ADAMTS2: variants seen among roughly 807,000 people sequenced by gnomAD.
The protein encoded by ADAMTS2 is A disintegrin and metalloproteinase with thrombospondin motifs 2.
In ADAMTS2, 50 loss-of-function variants were observed where a neutral mutation model predicts 123.0. That is an observed-to-expected ratio of 0.41 (90% CI 0.32 to 0.51). ADAMTS2 has a LOEUF of 0.51. Ranked by LOEUF, ADAMTS2 falls within the 20% of genes least tolerant of loss-of-function variation. The pLI is 0.35. For missense variants in ADAMTS2, 1,494 were observed against 1,705.2 expected, an observed-to-expected ratio of 0.88 and a Z score of 2.18; for synonymous variants, 678 against 695.4, an observed-to-expected ratio of 0.98 and a Z score of 0.39.
intron 3 of ADAMTS2, among the ~76,000 whole-genome samples, chr5:179,248,102 G>A (rs886239582): frequency 6.6e-6 from 1 of 152,150 alleles, no homozygotes; most frequent in Non-Finnish European, 1.5e-5. Context: ...GGGGAAGACA[G>A]AGCTGTATAG....
rs886060495 is a variant in ADAMTS2 at position 179,272,930 on chromosome 5, C to T, written c.669G>A (p.Gly223=). 6.2e-7 allele frequency: 1 copy of T among 1,610,016 alleles called. No individual in the cohort carries two copies. Among genetic ancestry groups the T allele is most frequent in the South Asian group, 1.1e-5 (1 of 91,062 alleles). ...RRPPTSPPLG[G]PQALDTGASL... ...CCTCACCTGTGTCCAGGGCCTGTGG[C>T]CCCCCGAGAGGAGGGGACGTGGGTG... Residue 223 remains glycine, a synonymous_variant, in exon 3 of 22, where the codon GGG becomes GGA. Transcript: ENST00000251582. This position sits in a 1 kb window ranked among gnomAD's most constrained non-coding sequence, Gnocchi z 5.8.
In ADAMTS2 at chr5:179,314,087, C is replaced by T. The variant is rs1355518080; in HGVS notation, c.534+29680G>A. On this transcript the variant is annotated intron_variant, in intron 2 of 21. Coordinates refer to ENST00000251582, the MANE Select transcript of ADAMTS2 (RefSeq NM_014244.5). This position sits in a 1 kb window ranked among gnomAD's most constrained non-coding sequence, Gnocchi z 4.5. ...GGGGGGGTTCCTCACACACCCCACA[C>T]CCCTGCCTATGCCCAGACCTCCAGC... Among the ~76,000 whole-genome samples, 1 of 152,236 alleles carries T rather than the reference C, an allele frequency of 6.6e-6. No individual in the cohort carries two copies. Among genetic ancestry groups the T allele is most frequent in the African/African-American group, 2.4e-5 (1 of 41,464 alleles).
chr5:179,249,307 A>G (rs1404813778), intron 3 of ADAMTS2, among the ~76,000 whole-genome samples: 1 of 152,122 alleles, frequency 6.6e-6, no homozygotes, highest in East Asian at 1.9e-4. Context: ...AATAATAAAG[A>G]TCTCAAATCA....
At chr5:179,247,559 G>C (rs575528912) in intron 3 of ADAMTS2, among the ~76,000 whole-genome samples, 1 of 152,112 alleles carries the variant, frequency 6.6e-6, no homozygotes, top group Non-Finnish European at 1.5e-5. Flanking sequence ...AACTCAAAGA[G>C]TTACATCAAG....
chr5:179,172,727 G>A (rs1481033040), intron 5 of ADAMTS2, among the ~76,000 whole-genome samples: 1 of 152,228 alleles, frequency 6.6e-6, no homozygotes, highest in Non-Finnish European at 1.5e-5. Flanking sequence ...TGTCTTCATT[G>A]AAATCAGAAA....
At chr5:179,229,873 C>T (rs557867415) in intron 3 of ADAMTS2, among the ~76,000 whole-genome samples, 4 of 152,176 alleles carry the variant, frequency 2.6e-5, no homozygotes, top group Non-Finnish European at 5.9e-5. Context: ...TTCTCCAGGG[C>T]GCATGCCCCT....
chr5:179,136,363 C>A (rs1244776737), intron 12 of ADAMTS2, among the ~76,000 whole-genome samples: 3 of 152,166 alleles, frequency 2.0e-5, no homozygotes, highest in Non-Finnish European at 4.4e-5. Context: ...TGCTGGGTTG[C>A]TATCTAAAGA....
chr5:179,323,165 G>A (rs1561745280), intron 2 of ADAMTS2, among the ~76,000 whole-genome samples: 1 of 152,250 alleles, frequency 6.6e-6, no homozygotes, highest in East Asian at 1.9e-4. Flanking sequence ...GCCAGCCAGT[G>A]TCAGGGAGCA....
At chr5:179,192,882 T>C (rs73809716) in intron 4 of ADAMTS2, among the ~76,000 whole-genome samples, 4,726 of 152,306 alleles carry the variant, frequency 0.031, 227 homozygotes, top group African/African-American at 0.1. Context: ...TGTTCTGCAT[T>C]CTTGCTGATG....
In ADAMTS2 at chr5:179,132,288, G is replaced by A; in HGVS notation, c.2232C>T (p.Ile744=). The change falls in exon 15 of 22, where the codon ATC becomes ATT. Residue 744 remains isoleucine, a synonymous_variant. Transcript: ENST00000251582. The surrounding 1 kb of genome is among the most constrained non-coding windows in gnomAD (Gnocchi z 6.1). ...KKHGYIKMFE[I]PAGARHLLIQ... Reference sequence around the variant, plus strand: ...TGAGCAGGTGTCTGGCTCCTGCAGGGATCTCAAACATCTTGATGTAACCTT... The same window carrying A: ...TGAGCAGGTGTCTGGCTCCTGCAGGAATCTCAAACATCTTGATGTAACCTT... 1 of 1,614,194 alleles carries A rather than the reference G, an allele frequency of 6.2e-7. No homozygotes were observed. The highest frequency in any genetic ancestry group is 8.5e-7 in the Non-Finnish European group (1 of 1,180,026).
intron 2 of ADAMTS2, among the ~76,000 whole-genome samples, chr5:179,280,642 G>A (rs1183162658): frequency 1.3e-5 from 2 of 152,102 alleles, no homozygotes; most frequent in East Asian, 3.9e-4. Context: ...GCAGCCGTCT[G>A]TCCCTGGGCG....
rs1295782928 is a variant in ADAMTS2 at position 179,112,358 on chromosome 5, G to A, written c.*1509C>T. The A allele has an allele frequency of 6.6e-6, 1 of 152,140 alleles. No homozygotes were observed. Among genetic ancestry groups the A allele is most frequent in the Non-Finnish European group, 1.5e-5 (1 of 68,044 alleles). 9.4% of individuals were successfully genotyped at this position (152,140 alleles called of 1,614,324 possible). ...GGTCTTGTAAGCCCAGAAAGTTTAA[G>A]CTTCACGTTCACAAAATGTCAAGGC... On this transcript the variant is annotated 3_prime_UTR_variant, in exon 22 of 22. Coordinates refer to ENST00000251582, the MANE Select transcript of ADAMTS2 (RefSeq NM_014244.5).
chr5:179,261,110 G>A (rs1338950026), intron 3 of ADAMTS2, among the ~76,000 whole-genome samples: 1 of 152,148 alleles, frequency 6.6e-6, no homozygotes, highest in Non-Finnish European at 1.5e-5. Context: ...GGAAAAGCTT[G>A]TATCGAACAT....
intron 2 of ADAMTS2, among the ~76,000 whole-genome samples, chr5:179,311,084 AC>A: frequency 6.7e-6 from 1 of 148,444 alleles, no homozygotes; most frequent in Admixed American, 6.8e-5. Flanking sequence ...TCCTATCTCA[AC>A]AACAACAGGA....
intron 4 of ADAMTS2, among the ~76,000 whole-genome samples, chr5:179,191,126 C>T (rs1324135818): frequency 6.6e-6 from 1 of 152,238 alleles, no homozygotes; most frequent in Non-Finnish European, 1.5e-5. Context: ...AGGACACGGC[C>T]GAGGCCTCAG....
intron 10 of ADAMTS2, 57 bp from the exon 11 acceptor site, chr5:179,140,092 T>C (rs1763137249): frequency 6.2e-7 from 1 of 1,610,888 alleles, no homozygotes; most frequent in Admixed American, 1.7e-5. Context: ...GTGGGGACAG[T>C]CCTGCGCTCT....
intron 5 of ADAMTS2, among the ~76,000 whole-genome samples, chr5:179,179,255 GT>G (rs36081300): frequency 0.031 from 4,469 of 144,768 alleles, 199 homozygotes; most frequent in African/African-American, 0.1. Flanking sequence ...CCCCTAGTAG[GT>G]TTTTTTTTTT....
At chr5:179,339,508 G>A (rs1434506097) in intron 2 of ADAMTS2, among the ~76,000 whole-genome samples, 1 of 152,200 alleles carries the variant, frequency 6.6e-6, no homozygotes, top group African/African-American at 2.4e-5. Flanking sequence ...CATCCAATAT[G>A]AGCAGGGGTT....
intron 3 of ADAMTS2, among the ~76,000 whole-genome samples, chr5:179,250,292 G>A (rs1042839401): frequency 1.3e-5 from 2 of 152,082 alleles, no homozygotes; most frequent in African/African-American, 4.8e-5. Flanking sequence ...ACATAGTACC[G>A]GACATTCTAG....
Sources: allele counts gnomAD v4.1 joint callset (sites outside exome capture counted in the v4.1 genomes callset), GRCh38; gene constraint gnomAD v4.1.1; non-coding constraint Gnocchi (gnomAD v3.1); transcripts MANE v1.5; gene names NCBI Gene and HGNC (gene_info 2026-07-23, HGNC 2026-07-21).